DCHS2: variants seen among roughly 807,000 people sequenced by gnomAD.
The protein encoded by DCHS2 is dachsous cadherin-related 2.
A neutral mutation model predicts 182.4 loss-of-function variants in DCHS2; 142 were observed. The ratio of observed to expected loss-of-function variants is 0.78; its 90% CI spans 0.68 to 0.89. The LOEUF (loss-of-function observed/expected upper bound fraction) is 0.89, where lower values mean the gene tolerates loss of function less well. Ranked by LOEUF, DCHS2 falls within the 40% of genes least tolerant of loss-of-function variation. The pLI is 0.00. For missense variants in DCHS2, 4,319 were observed against 4,198.6 expected (o/e 1.03, Z -0.79); for synonymous variants, 1,740 against 1,663.3 (o/e 1.05, Z -1.12).
intron 10 of DCHS2, among the ~76,000 whole-genome samples, chr4:154,312,525 G>A (rs762443158): frequency 5.3e-5 from 8 of 152,064 alleles, no homozygotes; most frequent in Non-Finnish European, 8.8e-5. Flanking sequence ...CTCCAGCCTG[G>A]GGAACAGAGC....
rs1285125362 is a variant in DCHS2 at position 154,391,445 on chromosome 4, G to A, written c.2053-14001C>T. 4.3e-6 allele frequency: 5 copies of A among 1,171,154 alleles called. No individual in the cohort carries two copies. In the Admixed American group the frequency reaches 1.4e-4, roughly 34 times the overall value. The allele number at this position is 1,171,154 out of a possible 1,614,324, so 72.5% of individuals were successfully genotyped here. On this transcript the variant is annotated intron_variant, in intron 1 of 19. Coordinates refer to ENST00000357232, the MANE Select transcript of DCHS2 (RefSeq NM_001358235.2). ...AAGCGTTCAAAACTAAAAATAGGCA[G>A]ATCAGAGAGTCACTGATGCTGAGTT...
At chr4:154,434,460 A>G (rs1733691718) in intron 1 of DCHS2, among the ~76,000 whole-genome samples, 1 of 152,178 alleles carries the variant, frequency 6.6e-6, no homozygotes, top group Admixed American at 6.5e-5. Flanking sequence ...AATACAATAT[A>G]TTGTTTAAAT....
intron 7 of DCHS2, among the ~76,000 whole-genome samples, chr4:154,325,702 T>C (rs1736254044): frequency 6.6e-6 from 1 of 152,190 alleles, no homozygotes; most frequent in Admixed American, 6.5e-5. Context: ...ACTACCTCTG[T>C]ATAATCCACC....
intron 1 of DCHS2, among the ~76,000 whole-genome samples, chr4:154,424,052 T>C (rs1305706629): frequency 1.3e-5 from 2 of 152,220 alleles, no homozygotes; most frequent in Non-Finnish European, 2.9e-5. Context: ...TGGTAGGAGC[T>C]TAACAAATGC....
chr4:154,379,216 A>T (rs746148962), intron 1 of DCHS2, among the ~76,000 whole-genome samples: 4 of 152,190 alleles, frequency 2.6e-5, no homozygotes, highest in Non-Finnish European at 4.4e-5. Flanking sequence ...GTTCACAAGG[A>T]CACATACATG....
chr4:154,333,217 G>C lies in DCHS2; in HGVS notation c.2991C>G (p.Ala997=), dbSNP rs764428706. 18 of 1,614,246 alleles carry C rather than the reference G, an allele frequency of 1.1e-5. No individual in the cohort carries two copies. The highest frequency in any genetic ancestry group is 1.5e-5 in the Non-Finnish European group (18 of 1,180,048). The change falls in exon 5 of 20, where the codon GCC becomes GCG. Residue 997 remains alanine (A), a synonymous_variant. Coordinates refer to ENST00000357232, the MANE Select transcript of DCHS2 (RefSeq NM_001358235.2). The part of the protein sequence containing the change: ...RISQTTPPGT[A]LYLARAEDRD... ...TGTCTTCCGCACGTGCGAGGTACAAGGCTGTGCCAGGGGGCGTGGTCTGGG... is the reference window on the plus strand; with the variant it reads ...TGTCTTCCGCACGTGCGAGGTACAACGCTGTGCCAGGGGGCGTGGTCTGGG...
chr4:154,267,972 T>G (rs1287292358), intron 14 of DCHS2, among the ~76,000 whole-genome samples: 1 of 152,222 alleles, frequency 6.6e-6, no homozygotes. Context: ...AACATGTTAC[T>G]GTCAAATTGA....
chr4:154,242,837 A>T (rs1398905893), intron 16 of DCHS2, 65 bp from the exon 17 acceptor site: 1 of 1,525,034 alleles, frequency 6.6e-7, no homozygotes, highest in East Asian at 2.4e-5. Context: ...CAACATAAAT[A>T]TCAAATATCT....
At chr4:154,359,214 C>A (rs1193667393) in intron 3 of DCHS2, among the ~76,000 whole-genome samples, 1 of 151,880 alleles carries the variant, frequency 6.6e-6, no homozygotes, top group Non-Finnish European at 1.5e-5. Flanking sequence ...TACCAATTAT[C>A]ATATATAATG....
At chr4:154,367,952 C>T (rs548638562) in intron 2 of DCHS2, among the ~76,000 whole-genome samples, 4 of 152,078 alleles carry the variant, frequency 2.6e-5, no homozygotes, top group Non-Finnish European at 5.9e-5. Context: ...GTCCCTTGTA[C>T]TCCAGGCTTT....
In DCHS2 at chr4:154,391,309, T is replaced by C. The variant is rs921537650; in HGVS notation, c.2053-13865A>G. On this transcript the variant is annotated intron_variant, in intron 1 of 19. Transcript: ENST00000357232. ...TCATCCAGTCTCATGATTTTAAATA[T>C]CTCCTATATGAGGGTAGCTTCAACT... 4 of 1,574,744 alleles carry C rather than the reference T, an allele frequency of 2.5e-6. No individual in the cohort carries two copies. In the African/African-American group the frequency reaches 5.4e-5, roughly 21 times the overall value.
chr4:154,465,254 C>T (rs534420885), intron 1 of DCHS2, among the ~76,000 whole-genome samples: 3 of 152,222 alleles, frequency 2.0e-5, no homozygotes, highest in South Asian at 2.1e-4. Flanking sequence ...ACTCATCTGA[C>T]TGTTGGCAGG....
At chr4:154,263,808 C>T (rs1733104076) in intron 14 of DCHS2, among the ~76,000 whole-genome samples, 1 of 151,910 alleles carries the variant, frequency 6.6e-6, no homozygotes, top group Non-Finnish European at 1.5e-5. Context: ...ATACAATCCA[C>T]AGATGGAATG....
In DCHS2 at chr4:154,247,635, C is replaced by CAAAAAA. The variant is rs67157369; in HGVS notation, c.6942-4869_6942-4864dup. ...CTGGGTGAAGAGCAAGACTCCGTCT[C>CAAAAAA]AAAAAAAAAAAAAAAAAAAAAAAAA... On this transcript the variant is annotated intron_variant, in intron 16 of 19. Coordinates refer to ENST00000357232, the MANE Select transcript of DCHS2 (RefSeq NM_001358235.2). Among the ~76,000 whole-genome samples, 43 of 100,110 alleles carry CAAAAAA rather than the reference C, an allele frequency of 4.3e-4. 1 individual carries two copies. The highest frequency in any genetic ancestry group is 1.5e-3 in the African/African-American group (37 of 24,716). The allele number at this position is 100,110 out of a possible 152,430, so 65.7% of individuals were successfully genotyped here.
At chr4:154,472,055 G>A (rs144488956) in intron 1 of DCHS2, among the ~76,000 whole-genome samples, 470 of 152,160 alleles carry the variant, frequency 3.1e-3, no homozygotes, top group African/African-American at 0.01. Flanking sequence ...ACAGCTCTGG[G>A]CAAAAAAAGG....
At chr4:154,446,041 T>C (rs1308002101) in intron 1 of DCHS2, among the ~76,000 whole-genome samples, 1 of 152,190 alleles carries the variant, frequency 6.6e-6, no homozygotes, top group Non-Finnish European at 1.5e-5. Flanking sequence ...TTTAAAATAA[T>C]TTCATCTACA....
intron 14 of DCHS2, among the ~76,000 whole-genome samples, chr4:154,263,482 C>G (rs1455672344): frequency 6.6e-6 from 1 of 151,728 alleles, no homozygotes; most frequent in Non-Finnish European, 1.5e-5. Flanking sequence ...GACAGAAATC[C>G]TGAGAGGTTA....
intron 1 of DCHS2, among the ~76,000 whole-genome samples, chr4:154,470,064 T>TAAAC (rs756093167): frequency 3.9e-5 from 6 of 152,188 alleles, no homozygotes; most frequent in Non-Finnish European, 7.3e-5. Flanking sequence ...GGGTGGTGAA[T>TAAAC]AAACAGTTGA....
intron 10 of DCHS2, among the ~76,000 whole-genome samples, chr4:154,306,187 A>G (rs1735434077): frequency 1.3e-5 from 2 of 152,154 alleles, no homozygotes; most frequent in Admixed American, 1.3e-4. Flanking sequence ...TTTATATAAG[A>G]ATGAAAATAC....
Sources: gnomAD v4.1 joint callset for allele counts (sites outside exome capture counted in the v4.1 genomes callset) on GRCh38, gnomAD v4.1.1 for gene constraint, MANE v1.5 for transcripts, NCBI Gene and HGNC (gene_info 2026-07-23, HGNC 2026-07-21) for gene names.